GRID2: variants seen among roughly 807,000 people sequenced by gnomAD.
GRID2 encodes glutamate receptor ionotropic, delta-2.
In GRID2, 33 loss-of-function variants were observed where a neutral mutation model predicts 114.8. The ratio of observed to expected loss-of-function variants is 0.29; its 90% CI spans 0.22 to 0.38. The LOEUF is 0.38. Among genes scored for constraint, GRID2 ranks in the 10% least tolerant of loss-of-function variants. The pLI, the probability that GRID2 is intolerant of heterozygous loss-of-function variation, is 1.00. For missense variants in GRID2, 1,184 were observed against 1,257.7 expected (o/e 0.94, Z 0.89); for synonymous variants, 505 against 449.9 (o/e 1.12, Z -1.55).
chr4:92,963,552 G>T (rs1458581921), intron 2 of GRID2, among the ~76,000 whole-genome samples: 1 of 151,836 alleles, frequency 6.6e-6, no homozygotes, highest in Non-Finnish European at 1.5e-5. Flanking sequence ...CACATCTTCA[G>T]GCTCTACTTC....
At chr4:93,739,170 G>T (rs1731168185) in intron 14 of GRID2, among the ~76,000 whole-genome samples, 1 of 151,982 alleles carries the variant, frequency 6.6e-6, no homozygotes, top group Admixed American at 6.6e-5. Context: ...TTTATTTAAG[G>T]CCAAACCATT....
chr4:93,608,043 C>CATAT (rs59824778), intron 13 of GRID2, among the ~76,000 whole-genome samples: 8,278 of 146,154 alleles, frequency 0.057, 367 homozygotes, highest in African/African-American at 0.12. Flanking sequence ...TCTAACTTTA[C>CATAT]ATATATATAT....
At chr4:93,126,584 CTTTTTTTTTTTTTTTTTT>C (rs60017147) in intron 4 of GRID2, among the ~76,000 whole-genome samples, 6 of 52,734 alleles carry the variant, frequency 1.1e-4, no homozygotes, top group South Asian at 8.2e-4. Context: ...CTATTTAATT[CTTTTTTTTTTTTTTTTTT>C]TTTTTTTTTT....
chr4:93,316,232 C>T (rs1262897492), intron 8 of GRID2, among the ~76,000 whole-genome samples: 1 of 146,342 alleles, frequency 6.8e-6, no homozygotes, highest in African/African-American at 2.5e-5. Context: ...TGGCTTGTTG[C>T]ATTTCAACAA....
rs1361562456 is a variant in GRID2, at chr4:92,965,466, A to G, written c.245-119529A>G. Among the ~76,000 whole-genome samples, 6 of 39,820 alleles carry G rather than the reference A, an allele frequency of 1.5e-4. No individual in the cohort carries two copies. In the East Asian group the frequency reaches 2.5e-3, roughly 17 times the overall value. 26.1% of individuals were successfully genotyped at this position (39,820 alleles called of 152,430 possible). A position where few individuals can be genotyped will look rare whatever the true frequency, so the allele number is the denominator to read the frequency against. On this transcript the variant is annotated intron_variant, in intron 2 of 15. Coordinates refer to ENST00000282020, the MANE Select transcript of GRID2 (RefSeq NM_001510.4). ...TTCAATTTGTAAAAAAAAAAAAAAA[A>G]AAAAAAAAAAAAAAAAAAAAAAACA...
intron 2 of GRID2, among the ~76,000 whole-genome samples, chr4:92,769,936 C>T (rs1187121271): frequency 6.6e-6 from 1 of 152,220 alleles, no homozygotes; most frequent in Non-Finnish European, 1.5e-5. Context: ...TAACATTTGG[C>T]TTCTCATTAC....
intron 2 of GRID2, among the ~76,000 whole-genome samples, chr4:93,012,342 AC>A (rs1722264870): frequency 6.6e-6 from 1 of 152,072 alleles, no homozygotes; most frequent in Non-Finnish European, 1.5e-5. Context: ...ACACTCACAC[AC>A]AGACATCCAT....
intron 2 of GRID2, among the ~76,000 whole-genome samples, chr4:92,632,928 A>G (rs1374708211): frequency 6.6e-6 from 1 of 152,166 alleles, no homozygotes; most frequent in Admixed American, 6.6e-5. Flanking sequence ...CCTAGTATCT[A>G]TAAGAATATA....
chr4:92,815,621 A>G (rs1740854560), intron 2 of GRID2, among the ~76,000 whole-genome samples: 1 of 152,058 alleles, frequency 6.6e-6, no homozygotes, highest in Non-Finnish European at 1.5e-5. Context: ...TACTTAAAGG[A>G]TAACATTGGG....
chr4:92,692,832 G>A (rs1164417629), intron 2 of GRID2, among the ~76,000 whole-genome samples: 1 of 151,960 alleles, frequency 6.6e-6, no homozygotes, highest in Non-Finnish European at 1.5e-5. Flanking sequence ...AGACCAGCCT[G>A]GCCAACATGG....
chr4:93,518,813 G>C (rs944361285), intron 13 of GRID2, among the ~76,000 whole-genome samples: 6 of 152,088 alleles, frequency 3.9e-5, no homozygotes, highest in African/African-American at 1.4e-4. Flanking sequence ...TTTAGAAAGA[G>C]GGTCAGCCAG....
intron 14 of GRID2, among the ~76,000 whole-genome samples, chr4:93,659,492 T>C (rs1056999670): frequency 6.6e-6 from 1 of 152,230 alleles, no homozygotes; most frequent in Non-Finnish European, 1.5e-5. Context: ...AAATTCAATT[T>C]GACAAATAAA....
intron 2 of GRID2, among the ~76,000 whole-genome samples, chr4:92,765,315 G>A (rs1002318758): frequency 3.3e-5 from 5 of 152,086 alleles, no homozygotes; most frequent in Admixed American, 3.3e-4. Flanking sequence ...AAACATAAAA[G>A]CAAATTACTT....
chr4:93,227,808 G>T (rs1373095539), intron 7 of GRID2, among the ~76,000 whole-genome samples: 1 of 152,168 alleles, frequency 6.6e-6, no homozygotes, highest in Non-Finnish European at 1.5e-5. Flanking sequence ...TTACAGCAAG[G>T]ATGGCTTTCA....
chr4:93,016,177 A>C (rs1271325248), intron 2 of GRID2, among the ~76,000 whole-genome samples: 1 of 151,988 alleles, frequency 6.6e-6, no homozygotes, highest in African/African-American at 2.4e-5. Flanking sequence ...AAAAAAGGTA[A>C]TAATACTAAA....
intron 13 of GRID2, among the ~76,000 whole-genome samples, chr4:93,559,397 C>A (rs578006800): frequency 7.9e-5 from 12 of 151,862 alleles, no homozygotes; most frequent in East Asian, 3.9e-4. Context: ...CAGGAAAAAA[C>A]CCCATCAAAA....
At chr4:92,728,171 G>T (rs1736151662) in intron 2 of GRID2, among the ~76,000 whole-genome samples, 2 of 151,916 alleles carry the variant, frequency 1.3e-5, no homozygotes, top group South Asian at 2.1e-4. Context: ...TTGCTTGAGG[G>T]TATAATGTGA....
intron 2 of GRID2, among the ~76,000 whole-genome samples, chr4:92,975,563 G>C (rs986656121): frequency 6.6e-6 from 1 of 152,088 alleles, no homozygotes; most frequent in African/African-American, 2.4e-5. Flanking sequence ...AATTAAACTA[G>C]TGGTGATTCA....
At position 92,586,448 on chromosome 4, in the gene GRID2, G is replaced by A. The variant is rs78863062; in HGVS notation, c.89-3683G>A. ...CTATTAGGTTAAAAGAAGAAATTTG[G>A]ATTGTCATTTTAAAAATTGGCAAGT... On this transcript the variant is annotated intron_variant, in intron 1 of 15. Transcript: ENST00000282020. 1.5e-3 allele frequency among the ~76,000 whole-genome samples: 227 copies of A among 151,530 alleles called. 5 individuals are homozygous for A. In the East Asian group the frequency reaches 0.037, roughly 25 times the overall value.
Sources: gnomAD v4.1 joint callset for allele counts (sites outside exome capture counted in the v4.1 genomes callset) on GRCh38, gnomAD v4.1.1 for gene constraint, MANE v1.5 for transcripts, NCBI Gene and HGNC (gene_info 2026-07-23, HGNC 2026-07-21) for gene names.